Variants in EPHB2 observed in about 807,000 individuals in gnomAD.
EPHB2 encodes the protein EPH receptor B2, also known as ephrin type-B receptor 2.
Under a neutral mutation model 96.4 loss-of-function variants are expected in EPHB2, and 18 were observed. That is an observed-to-expected ratio of 0.19 (90% confidence interval 0.13 to 0.28). The LOEUF is 0.28. EPHB2 is among the 10% of genes least tolerant of loss of function. The pLI, the probability that EPHB2 is intolerant of heterozygous loss-of-function variation, is 1.00. For missense variants in EPHB2, 989 were observed against 1,355.4 expected, an observed-to-expected ratio of 0.73 and a Z score of 4.25; for synonymous variants, 506 against 534.1, an observed-to-expected ratio of 0.95 and a Z score of 0.72.
intron 1 of EPHB2, among the ~76,000 whole-genome samples, chr1:22,712,120 C>G (rs951014344): frequency 3.3e-5 from 5 of 152,240 alleles, no homozygotes; most frequent in African/African-American, 1.2e-4. Flanking sequence ...GTACTTTAAG[C>G]TTTACAAAGT....
intron 3 of EPHB2, among the ~76,000 whole-genome samples, chr1:22,787,160 G>A (rs896443762): frequency 6.6e-6 from 1 of 152,236 alleles, no homozygotes; most frequent in African/African-American, 2.4e-5. Context: ...ATGTACAAAG[G>A]TGGTGATGTG....
At chr1:22,728,749 C>A (rs1557639681) in intron 1 of EPHB2, among the ~76,000 whole-genome samples, 1 of 152,322 alleles carries the variant, frequency 6.6e-6, no homozygotes, top group East Asian at 1.9e-4. Context: ...CTGATCATGA[C>A]CCCCAATCCC....
rs187907879 is a variant in EPHB2 at position 22,883,774 on chromosome 1, G to T, written c.1428+1291G>T. 3.9e-5 allele frequency among the ~76,000 whole-genome samples: 6 copies of T among 152,224 alleles called. No individual in the cohort carries two copies. The East Asian group carries it at 9.7e-4, about 25-fold the overall frequency. On this transcript the variant is annotated intron_variant, in intron 6 of 15. Coordinates refer to ENST00000374630, the MANE Select transcript of EPHB2 (RefSeq NM_017449.5). ...TGCCGGCCGTCTTACCATTGCTTGCGTGCGTGTTCATCCCGTCCCCTAGGC... is the reference window on the plus strand; with the variant it reads ...TGCCGGCCGTCTTACCATTGCTTGCTTGCGTGTTCATCCCGTCCCCTAGGC...
chr1:22,752,515 TAATAAAATAAAATAATACAAA>T (rs1644079486), intron 1 of EPHB2, among the ~76,000 whole-genome samples: 2 of 149,620 alleles, frequency 1.3e-5, no homozygotes, highest in Non-Finnish European at 3.0e-5. Flanking sequence ...AATAATAAAA[TAATAAAATAAAATAATACAAA>T]AATAAAATAA....
At chr1:22,886,961 G>A (rs574231743) in intron 6 of EPHB2, among the ~76,000 whole-genome samples, 3 of 152,184 alleles carry the variant, frequency 2.0e-5, no homozygotes, top group Admixed American at 2.0e-4. Context: ...GAGGACCCAG[G>A]AAATGTGAAG....
At position 22,905,986 on chromosome 1, in the gene EPHB2, G is replaced by A. The variant is rs201638769; in HGVS notation, c.1766-1G>A. On this transcript the variant is annotated splice_acceptor_variant, in intron 9 of 15. Coordinates refer to ENST00000374630, the MANE Select transcript of EPHB2 (RefSeq NM_017449.5). LOFTEE classifies it high-confidence loss of function. Reference sequence around the variant, plus strand: ...TGACAGAGCCTGGTCTTGTCCCCCAGTGACCCCAGGCATGAAGATCTACAT... The same window carrying A: ...TGACAGAGCCTGGTCTTGTCCCCCAATGACCCCAGGCATGAAGATCTACAT... 6.2e-6 allele frequency: 10 copies of A among 1,614,092 alleles called. No homozygotes were observed. Among genetic ancestry groups the A allele is most frequent in the Admixed American group, 1.7e-5 (1 of 60,016 alleles).
intron 5 of EPHB2, among the ~76,000 whole-genome samples, chr1:22,871,552 CA>C (rs1250083805): frequency 6.6e-6 from 1 of 152,186 alleles, no homozygotes; most frequent in Non-Finnish European, 1.5e-5. Flanking sequence ...TCTATCATTA[CA>C]GCTTTGCTAG....
chr1:22,871,865 A>C (rs998482998), intron 5 of EPHB2, among the ~76,000 whole-genome samples: 1 of 152,014 alleles, frequency 6.6e-6, no homozygotes, highest in African/African-American at 2.4e-5. Context: ...AAATTACAAA[A>C]ATTAGCTGGG....
intron 1 of EPHB2, among the ~76,000 whole-genome samples, chr1:22,734,690 G>T (rs957723352): frequency 6.6e-6 from 1 of 152,064 alleles, no homozygotes; most frequent in Non-Finnish European, 1.5e-5. Flanking sequence ...CAAAGCACTG[G>T]GATTTACAGG....
chr1:22,751,217 A>G (rs1408710852), intron 1 of EPHB2, among the ~76,000 whole-genome samples: 1 of 152,198 alleles, frequency 6.6e-6, no homozygotes, highest in East Asian at 1.9e-4. Flanking sequence ...GGGACCTAGC[A>G]GAGGTCACAC....
rs182511614 is a variant in EPHB2, at chr1:22,805,302, G to A, written c.811+20226G>A. On this transcript the variant is annotated intron_variant, in intron 3 of 15. Transcript: ENST00000374630. ...GACCCCATTTGTGTGTCTCTGAGCCGTACGCAGTCTCTCTCAGCCTCAGTT... is the reference window on the plus strand; with the variant it reads ...GACCCCATTTGTGTGTCTCTGAGCCATACGCAGTCTCTCTCAGCCTCAGTT... Among the ~76,000 whole-genome samples the A allele has an allele frequency of 2.5e-3, 376 of 152,206 alleles. 1 individual carries two copies. The highest frequency in any genetic ancestry group is 8.2e-3 in the African/African-American group (339 of 41,472).
intron 3 of EPHB2, among the ~76,000 whole-genome samples, chr1:22,788,891 A>G (rs772175888): frequency 2.6e-5 from 4 of 151,632 alleles, no homozygotes; most frequent in Non-Finnish European, 5.9e-5. Flanking sequence ...AGTAGCTGGG[A>G]TTACAGGCGT....
In EPHB2 at chr1:22,908,090, G is replaced by A. The variant is rs756644028; in HGVS notation, c.2274G>A (p.Leu758=). Residue 758 remains leucine, a synonymous_variant, in exon 12 of 16, where the codon CTG becomes CTA. Coordinates refer to ENST00000374630, the MANE Select transcript of EPHB2 (RefSeq NM_017449.5). ...AARNILVNSN[L]VCKVSDFGLS... ...GCAACATCCTCGTCAACAGCAACCT[G>A]GTCTGCAAGGTGTCGGACTTTGGGC... 11 of 1,614,202 alleles carry A rather than the reference G, an allele frequency of 6.8e-6. No individual in the cohort carries two copies. Among genetic ancestry groups the A allele is most frequent in the Admixed American group, 1.7e-5 (1 of 60,028 alleles).
Position 22,863,192 on chromosome 1 carries a change from A to T in EPHB2, c.967A>T (p.Thr323Ser). Residue 323 changes from threonine (T) to serine (S), a missense_variant and splice_region_variant, in exon 4 of 16, where the codon ACC (threonine) becomes TCC (serine). Coordinates refer to ENST00000374630, the MANE Select transcript of EPHB2 (RefSeq NM_017449.5). The stretch of plus-strand genomic sequence containing the variant: ...GGACCCCCTGGACATGCCCTGCACA[A>T]GTAAGTCCTAGGGCCCCTCAAGGGC... ...DLDPLDMPCTTIPSAPQAVIS... is the reference protein window; with the variant it reads ...DLDPLDMPCTSIPSAPQAVIS... The T allele has an allele frequency of 6.2e-7, 1 of 1,614,182 alleles. No homozygotes were observed. Among genetic ancestry groups the T allele is most frequent in the Non-Finnish European group, 8.5e-7 (1 of 1,180,032 alleles).
rs1260697913 is a variant in EPHB2 at position 22,711,051 on chromosome 1, AGCGG to A, written c.61+24_61+27del. On this transcript the variant is annotated intron_variant, in intron 1 of 15. Transcript: ENST00000374630. ...TGCTCGCCGCCGTGGAAGGTGAGCGAGCGGGCGGGCGGGCGGGCGATGGGGGCGG... is the reference window on the plus strand; with the variant it reads ...TGCTCGCCGCCGTGGAAGGTGAGCGAGCGGGCGGGCGGGCGATGGGGGCGG... The A allele has an allele frequency of 3.4e-5, 5 of 145,892 alleles. No homozygotes were observed. Among genetic ancestry groups the A allele is most frequent in the East Asian group, 2.0e-4 (1 of 4,884 alleles). The allele number at this position is 145,892 out of a possible 1,614,324, so 9.0% of individuals were successfully genotyped here.
chr1:22,740,368 G>C (rs1239352981), intron 1 of EPHB2, among the ~76,000 whole-genome samples: 1 of 152,132 alleles, frequency 6.6e-6, no homozygotes, highest in Non-Finnish European at 1.5e-5. Flanking sequence ...ACCCAATCAG[G>C]GTGTTTTCCA....
intron 6 of EPHB2, among the ~76,000 whole-genome samples, chr1:22,886,583 G>A (rs1369592269): frequency 2.0e-5 from 3 of 152,054 alleles, no homozygotes; most frequent in Non-Finnish European, 4.4e-5. Flanking sequence ...CATGGGCTGG[G>A]GGAGTTGGCA....
chr1:22,717,841 G>A (rs377117269), intron 1 of EPHB2, among the ~76,000 whole-genome samples: 1 of 152,182 alleles, frequency 6.6e-6, no homozygotes, highest in African/African-American at 2.4e-5. Flanking sequence ...CAGGAAATGT[G>A]TGTGGAGTCA....
chr1:22,795,223 C>T (rs1644750867), intron 3 of EPHB2, among the ~76,000 whole-genome samples: 1 of 152,172 alleles, frequency 6.6e-6, no homozygotes, highest in South Asian at 2.1e-4. Flanking sequence ...AGACTTAAAC[C>T]AAGACCTGCC....
Sources: allele counts gnomAD v4.1 joint callset (sites outside exome capture counted in the v4.1 genomes callset), GRCh38; gene constraint gnomAD v4.1.1; transcripts MANE v1.5; gene names NCBI Gene and HGNC (gene_info 2026-07-23, HGNC 2026-07-21).